Variants in CCDC126 observed in about 807,000 individuals in gnomAD.
The protein encoded by CCDC126 is coiled-coil domain-containing protein 126.
A neutral mutation model predicts 11.7 loss-of-function variants in CCDC126; 5 were observed. The observed-to-expected ratio is 0.43, with a 90% confidence interval of 0.22 to 0.90. The LOEUF (loss-of-function observed/expected upper bound fraction) is 0.90, where lower values mean the gene tolerates loss of function less well. CCDC126 is among the 40% of genes least tolerant of loss of function. The pLI is 0.27. For missense variants in CCDC126, 150 were observed against 163.1 expected, an observed-to-expected ratio of 0.92 and a Z score of 0.44; for synonymous variants, 60 against 61.9, an observed-to-expected ratio of 0.97 and a Z score of 0.14.
chr7:23,609,665 C>T (rs1027682976), intron 2 of CCDC126, among the ~76,000 whole-genome samples: 2 of 151,746 alleles, frequency 1.3e-5, no homozygotes, highest in Non-Finnish European at 2.9e-5. Flanking sequence ...TTCAGGAGTT[C>T]GAGACTAGCC....
intron 2 of CCDC126, among the ~76,000 whole-genome samples, chr7:23,606,265 A>G (rs1231073368): frequency 6.6e-6 from 1 of 151,978 alleles, no homozygotes; most frequent in Non-Finnish European, 1.5e-5. Flanking sequence ...TCATCATGTT[A>G]GCCAGGATGG....
At chr7:23,625,607 C>A (rs1032643774) in intron 3 of CCDC126, among the ~76,000 whole-genome samples, 2 of 147,330 alleles carry the variant, frequency 1.4e-5, no homozygotes, top group Admixed American at 1.4e-4. Context: ...TGAGTCACGA[C>A]AATTTTTCTG....
rs1783418704 is a variant in CCDC126 at position 23,644,158 on chromosome 7, ATGCAT to A, written c.*1045_*1049del. 6.6e-6 allele frequency: 1 copy of A among 152,106 alleles called. No homozygotes were observed. The allele number at this position is 152,106 out of a possible 1,614,324, so 9.4% of individuals were successfully genotyped here. On this transcript the variant is annotated 3_prime_UTR_variant, in exon 4 of 4. Coordinates refer to ENST00000307471, the MANE Select transcript of CCDC126 (RefSeq NM_138771.4). The stretch of plus-strand genomic sequence containing the variant: ...ATGAAATTTTGAATTTGTATAACAG[ATGCAT>A]TAGATATTCATTTTATATAATGGCC...
intron 3 of CCDC126, among the ~76,000 whole-genome samples, chr7:23,612,336 G>A (rs1000819600): frequency 6.6e-6 from 1 of 151,182 alleles, no homozygotes; most frequent in African/African-American, 2.4e-5. Context: ...GTGGTGGCAG[G>A]TGCCTGTAAT....
rs113939677 is a variant in CCDC126, at chr7:23,635,820, T to C, written c.239-7111T>C. Among the ~76,000 whole-genome samples, 27 of 152,228 alleles carry C rather than the reference T, an allele frequency of 1.8e-4. 2 individuals carry two copies. The highest frequency in any genetic ancestry group is 4.6e-4 in the African/African-American group (19 of 41,538). Reference sequence around the variant, plus strand: ...CACACCTCAGTTTAATGTCAAACCTTCTAGGCTTTTAGCTTCATTTTGTTA... The same window carrying C: ...CACACCTCAGTTTAATGTCAAACCTCCTAGGCTTTTAGCTTCATTTTGTTA... On this transcript the variant is annotated intron_variant, in intron 3 of 3. Transcript: ENST00000307471.
chr7:23,623,133 C>T (rs1035987430), intron 3 of CCDC126, among the ~76,000 whole-genome samples: 2 of 126,948 alleles, frequency 1.6e-5, no homozygotes, highest in African/African-American at 3.1e-5. Context: ...GCCACTATGC[C>T]CAGCTGATTT....
At chr7:23,621,545 T>C (rs1013523632) in intron 3 of CCDC126, among the ~76,000 whole-genome samples, 5 of 152,224 alleles carry the variant, frequency 3.3e-5, no homozygotes, top group Non-Finnish European at 7.3e-5. Flanking sequence ...TTGGACTTCC[T>C]CTTTTCCTAA....
Position 23,610,142 on chromosome 7 carries a change from A to G in CCDC126, c.-145-1029A>G, listed in dbSNP as rs186320326. On this transcript the variant is annotated intron_variant, in intron 2 of 3. Coordinates refer to ENST00000307471, the MANE Select transcript of CCDC126 (RefSeq NM_138771.4). ...ATTTTTTCTTAAATTACATAAATGCATACCTTTCTCATTTAAAATTTGGAA... is the reference window on the plus strand; with the variant it reads ...ATTTTTTCTTAAATTACATAAATGCGTACCTTTCTCATTTAAAATTTGGAA... 3.3e-5 allele frequency among the ~76,000 whole-genome samples: 5 copies of G among 152,200 alleles called. No individual in the cohort carries two copies. The South Asian group carries it at 1.0e-3, about 31-fold the overall frequency.
At chr7:23,607,020 G>T (rs1782635041) in intron 2 of CCDC126, among the ~76,000 whole-genome samples, 1 of 152,140 alleles carries the variant, frequency 6.6e-6, no homozygotes, top group African/African-American at 2.4e-5. Context: ...GATTGCTTGA[G>T]CCCGGAAGGC....
At chr7:23,610,788 G>GT (rs1365954857) in intron 2 of CCDC126, among the ~76,000 whole-genome samples, 20 of 150,568 alleles carry the variant, frequency 1.3e-4, no homozygotes, top group Admixed American at 1.3e-3. Flanking sequence ...TCATTTTGAT[G>GT]TTTTTTCTTT....
At chr7:23,625,649 A>ATTTTTTTTTT (rs34492140) in intron 3 of CCDC126, among the ~76,000 whole-genome samples, 6 of 77,142 alleles carry the variant, frequency 7.8e-5, no homozygotes, top group South Asian at 4.0e-4. Flanking sequence ...TATTTGACTG[A>ATTTTTTTTTT]TTTTTTTTTT....
At chr7:23,628,194 G>A (rs1232082581) in intron 3 of CCDC126, among the ~76,000 whole-genome samples, 2 of 152,150 alleles carry the variant, frequency 1.3e-5, no homozygotes, top group Non-Finnish European at 2.9e-5. Flanking sequence ...TCTATGTTAT[G>A]CATCTCTCCC....
At chr7:23,616,276 G>T (rs1329052818) in intron 3 of CCDC126, among the ~76,000 whole-genome samples, 5 of 152,130 alleles carry the variant, frequency 3.3e-5, no homozygotes, top group African/African-American at 1.2e-4. Context: ...CTCTGGCCTG[G>T]ACTGTTTGCT....
At chr7:23,621,183 T>C (rs1271848241) in intron 3 of CCDC126, among the ~76,000 whole-genome samples, 3 of 152,280 alleles carry the variant, frequency 2.0e-5, no homozygotes, top group Admixed American at 2.0e-4. Flanking sequence ...ATGGCCATTT[T>C]CACGATATTG....
intron 3 of CCDC126, among the ~76,000 whole-genome samples, chr7:23,629,785 A>G (rs1327898291): frequency 6.6e-6 from 1 of 152,214 alleles, no homozygotes; most frequent in African/African-American, 2.4e-5. Context: ...AATAACAGGG[A>G]GAAAAACAGA....
intron 3 of CCDC126, among the ~76,000 whole-genome samples, chr7:23,623,786 G>T (rs1488177111): frequency 6.6e-6 from 1 of 152,100 alleles, no homozygotes; most frequent in Admixed American, 6.6e-5. Context: ...TAACTAGCTT[G>T]ATTTAATTAT....
chr7:23,638,030 C>T (rs1194297003), intron 3 of CCDC126, among the ~76,000 whole-genome samples: 5 of 136,186 alleles, frequency 3.7e-5, no homozygotes, highest in African/African-American at 1.3e-4. Flanking sequence ...TCTGCCCGGC[C>T]GCCCCTACTG....
rs1328003360 is a variant in CCDC126, at chr7:23,622,616, C to G, written c.238+11063C>G. ...ATTGGGGCAGAAGTATTGAGTGGCT[C>G]TAAGGATAGCCAAGGATCCAAGGTT... On this transcript the variant is annotated intron_variant, in intron 3 of 3. Coordinates refer to ENST00000307471, the MANE Select transcript of CCDC126 (RefSeq NM_138771.4). The G allele has an allele frequency of 3.7e-5, 20 of 536,202 alleles. No homozygotes were observed. The Admixed American group carries it at 3.9e-4, about 10-fold the overall frequency. The allele number at this position is 536,202 out of a possible 1,614,324, so 33.2% of individuals were successfully genotyped here.
chr7:23,611,675 A>T, intron 3 of CCDC126, 122 bp downstream of exon 3: 1 of 688,638 alleles, frequency 1.5e-6, no homozygotes. Flanking sequence ...ACTTTTTATT[A>T]TGAAAATTTC....
Sources: allele counts gnomAD v4.1 joint callset (sites outside exome capture counted in the v4.1 genomes callset), GRCh38; gene constraint gnomAD v4.1.1; transcripts MANE v1.5; gene names NCBI Gene and HGNC (gene_info 2026-07-23, HGNC 2026-07-21).